Variants in PTPRD observed in about 807,000 individuals in gnomAD.
The protein encoded by PTPRD is receptor-type tyrosine-protein phosphatase delta.
In PTPRD, 34 loss-of-function variants were observed where a neutral mutation model predicts 214.5. The ratio of observed to expected loss-of-function variants is 0.16; its 90% CI spans 0.12 to 0.21. The LOEUF (loss-of-function observed/expected upper bound fraction) is 0.21. Among genes scored for constraint, PTPRD ranks in the 10% least tolerant of loss-of-function variants. The pLI is 1.00. For synonymous variants in PTPRD, 1,128 were observed against 845.7 expected (o/e 1.33, Z -5.79); for missense variants, 2,545 against 2,398.7 (o/e 1.06, Z -1.27).
In PTPRD at chr9:10,391,159, G is replaced by A. The variant is rs998034882; in HGVS notation, c.-599-50142C>T. 2.6e-5 allele frequency among the ~76,000 whole-genome samples: 4 copies of A among 151,832 alleles called. No individual in the cohort carries two copies. In the South Asian group the frequency reaches 6.2e-4, roughly 24 times the overall value. On this transcript the variant is annotated intron_variant, in intron 2 of 45. Transcript: ENST00000381196. Reference sequence around the variant, plus strand: ...CTGGATTGGATGCAGTTGGAAATCAGGAGTAATTCTCTTTTTAGGTATCTT... The same window carrying A: ...CTGGATTGGATGCAGTTGGAAATCAAGAGTAATTCTCTTTTTAGGTATCTT...
intron 2 of PTPRD, among the ~76,000 whole-genome samples, chr9:10,602,500 T>C (rs866622154): frequency 6.6e-6 from 1 of 151,822 alleles, no homozygotes; most frequent in Non-Finnish European, 1.5e-5. Context: ...ATGAGTTATG[T>C]TGTAACTCTG....
At chr9:9,966,310 A>C (rs904361703) in intron 4 of PTPRD, among the ~76,000 whole-genome samples, 1 of 152,266 alleles carries the variant, frequency 6.6e-6, no homozygotes, top group Admixed American at 6.5e-5. Flanking sequence ...CATTTACTAA[A>C]ATCTTCAGAC....
At chr9:9,358,841 T>G (rs1006185213) in intron 9 of PTPRD, among the ~76,000 whole-genome samples, 1 of 151,416 alleles carries the variant, frequency 6.6e-6, no homozygotes, top group South Asian at 2.1e-4. Context: ...CATTCTTGTA[T>G]AGGAAACTCA....
At chr9:8,331,366 G>T (rs538324646) in intron 44 of PTPRD, among the ~76,000 whole-genome samples, 1 of 151,834 alleles carries the variant, frequency 6.6e-6, no homozygotes, top group East Asian at 1.9e-4. Context: ...CAAATTTTTT[G>T]GGGGATAAAC....
chr9:8,963,443 GA>G lies in PTPRD; in HGVS notation c.-104+55253del, dbSNP rs981082849. Among the ~76,000 whole-genome samples the G allele has an allele frequency of 4.6e-5, 7 of 152,090 alleles. No homozygotes were observed. In the East Asian group the frequency reaches 5.8e-4, roughly 13 times the overall value. On this transcript the variant is annotated intron_variant, in intron 11 of 45. Transcript: ENST00000381196. ...CATTTTGTATGTGTTATATTTCACA[GA>G]AAAAAACATAAACAAAACATGTAGG... is the stretch of plus-strand genomic sequence containing the variant.
At chr9:8,846,763 G>A (rs114215915) in intron 11 of PTPRD, among the ~76,000 whole-genome samples, 2,630 of 152,256 alleles carry the variant, frequency 0.017, 64 homozygotes, top group African/African-American at 0.061. Flanking sequence ...AAATGAATAT[G>A]AGTATGGCAA....
Position 10,263,946 on chromosome 9 carries a change from C to T in PTPRD, c.-545+77017G>A, listed in dbSNP as rs571957267. On this transcript the variant is annotated intron_variant, in intron 3 of 45. Transcript: ENST00000381196. ...TGCATCTCAAAGGCTCCATCCATGG[C>T]GAAAATGGGCCAAGGTACAGCTCAG... 8.5e-5 allele frequency among the ~76,000 whole-genome samples: 13 copies of T among 152,220 alleles called. 1 individual carries two copies. The highest frequency in any genetic ancestry group is 8.3e-4 in the South Asian group (4 of 4,824).
intron 5 of PTPRD, among the ~76,000 whole-genome samples, chr9:9,894,249 C>T (rs2074297716): frequency 6.6e-6 from 1 of 151,944 alleles, no homozygotes; most frequent in African/African-American, 2.4e-5. Flanking sequence ...AAATCTTTTC[C>T]CCACTCAGCC....
At chr9:9,684,210 G>A (rs2154399321) in intron 7 of PTPRD, among the ~76,000 whole-genome samples, 1 of 151,720 alleles carries the variant, frequency 6.6e-6, no homozygotes, top group African/African-American at 2.4e-5. Flanking sequence ...AAGGAATCAT[G>A]TTTTATTTCA....
intron 2 of PTPRD, among the ~76,000 whole-genome samples, chr9:10,494,863 T>C (rs1370424964): frequency 1.3e-5 from 2 of 151,594 alleles, no homozygotes; most frequent in East Asian, 1.9e-4. Context: ...ATTGGGCAAA[T>C]TATAGCATAT....
chr9:10,328,280 A>C (rs2096682316), intron 3 of PTPRD, among the ~76,000 whole-genome samples: 1 of 151,190 alleles, frequency 6.6e-6, no homozygotes, highest in Non-Finnish European at 1.5e-5. Flanking sequence ...ACACATATTA[A>C]GTTTTTTATT....
At chr9:10,349,659 T>A (rs2097149358) in intron 2 of PTPRD, among the ~76,000 whole-genome samples, 1 of 152,208 alleles carries the variant, frequency 6.6e-6, no homozygotes, top group South Asian at 2.1e-4. Flanking sequence ...CATTTTCATT[T>A]CATAATATCT....
At chr9:8,646,110 C>G (rs1595982234) in intron 12 of PTPRD, among the ~76,000 whole-genome samples, 1 of 150,334 alleles carries the variant, frequency 6.7e-6, no homozygotes, top group South Asian at 2.1e-4. Context: ...CACCCTAAAT[C>G]AATTAAAACA....
At chr9:9,399,315 T>C (rs2069211025) in intron 8 of PTPRD, among the ~76,000 whole-genome samples, 1 of 151,996 alleles carries the variant, frequency 6.6e-6, no homozygotes, top group Non-Finnish European at 1.5e-5. Flanking sequence ...AATGTGATAG[T>C]TCAACGTTCA....
chr9:9,013,594 TTC>T (rs533817686), intron 11 of PTPRD, among the ~76,000 whole-genome samples: 354 of 152,272 alleles, frequency 2.3e-3, no homozygotes, highest in Non-Finnish European at 4.0e-3. Context: ...CCTTGCTATA[TTC>T]TCTGTATATA....
chr9:8,636,518 G>A (rs1595787497), intron 13 of PTPRD, among the ~76,000 whole-genome samples, 181 bp downstream of exon 13: 1 of 152,072 alleles, frequency 6.6e-6, no homozygotes, highest in Non-Finnish European at 1.5e-5. Context: ...ATCAGCCCTT[G>A]AACCCCCAAA....
intron 39 of PTPRD, among the ~76,000 whole-genome samples, chr9:8,364,130 C>A (rs998665270): frequency 5.3e-5 from 8 of 152,184 alleles, no homozygotes; most frequent in African/African-American, 1.9e-4. Context: ...ATGATTCCAG[C>A]AGATGGCATG....
chr9:9,781,513 T>A (rs2098842446), intron 5 of PTPRD, among the ~76,000 whole-genome samples: 1 of 152,138 alleles, frequency 6.6e-6, no homozygotes. Context: ...ACCAATAATA[T>A]ACAGTTGCCT....
intron 12 of PTPRD, among the ~76,000 whole-genome samples, chr9:8,667,440 C>A (rs1172142703): frequency 6.6e-6 from 1 of 152,160 alleles, no homozygotes; most frequent in Non-Finnish European, 1.5e-5. Context: ...GGTTAAGCTT[C>A]CCTAAACCAA....
Sources: allele counts gnomAD v4.1 joint callset (sites outside exome capture counted in the v4.1 genomes callset), GRCh38; gene constraint gnomAD v4.1.1; transcripts MANE v1.5; gene names NCBI Gene and HGNC (gene_info 2026-07-23, HGNC 2026-07-21).